Variants in RIT2 observed in about 807,000 individuals in gnomAD.
RIT2 encodes Ras like without CAAX 2.
A neutral mutation model predicts 23.7 loss-of-function variants in RIT2; 24 were observed. The ratio of observed to expected loss-of-function variants is 1.01; its 90% confidence interval spans 0.73 to 1.43. The LOEUF is 1.43. Ranked by LOEUF, RIT2 falls within the 40% of genes most tolerant of loss-of-function variation. The pLI, the probability that RIT2 is intolerant of heterozygous loss-of-function variation, is 0.00. For missense variants in RIT2, 236 were observed against 266.9 expected, an observed-to-expected ratio of 0.88 and a Z score of 0.81; for synonymous variants, 107 against 91.1, an observed-to-expected ratio of 1.17 and a Z score of -0.99.
rs151019005 is a variant in RIT2 at position 42,851,711 on chromosome 18, G to C, written c.426+71861C>G. Among the ~76,000 whole-genome samples, 489 of 152,156 alleles carry C rather than the reference G, an allele frequency of 3.2e-3. 1 individual carries two copies. The highest frequency in any genetic ancestry group is 0.011 in the African/African-American group (453 of 41,502). On this transcript the variant is annotated intron_variant, in intron 4 of 4. Transcript: ENST00000326695. ...CTAAAATACAAAAAATTAGCCAGGC[G>C]TGGTGGCACATGCGTATAGTCCCAG...
At chr18:42,929,977 G>A (rs556199908) in intron 3 of RIT2, among the ~76,000 whole-genome samples, 141 of 152,270 alleles carry the variant, frequency 9.3e-4, no homozygotes, top group African/African-American at 3.2e-3. Context: ...GTTGAGAGGT[G>A]TGGAGTTGTG....
intron 4 of RIT2, among the ~76,000 whole-genome samples, chr18:42,771,127 T>A (rs146893908): frequency 2.6e-5 from 4 of 152,168 alleles, no homozygotes; most frequent in African/African-American, 9.6e-5. Context: ...ACGTAATTTT[T>A]TTTTATTTAA....
At chr18:42,774,921 G>T (rs1913632944) in intron 4 of RIT2, among the ~76,000 whole-genome samples, 1 of 152,098 alleles carries the variant, frequency 6.6e-6, no homozygotes, top group Admixed American at 6.6e-5. Context: ...TGATTGCAGA[G>T]ATTGAGACTT....
chr18:42,967,202 G>A (rs1001000675), intron 3 of RIT2, among the ~76,000 whole-genome samples: 1 of 151,902 alleles, frequency 6.6e-6, no homozygotes, highest in East Asian at 1.9e-4. Flanking sequence ...ACATATAAGA[G>A]GAGACATAGT....
At chr18:42,862,389 C>A (rs1329134735) in intron 4 of RIT2, among the ~76,000 whole-genome samples, 1 of 152,078 alleles carries the variant, frequency 6.6e-6, no homozygotes, top group Non-Finnish European at 1.5e-5. Context: ...CCTTTTTCAT[C>A]ATAAATTACT....
At chr18:43,011,178 A>G (rs890045340) in intron 2 of RIT2, among the ~76,000 whole-genome samples, 27 of 151,830 alleles carry the variant, frequency 1.8e-4, no homozygotes, top group African/African-American at 6.3e-4. Flanking sequence ...AGTGGACAAA[A>G]GCACGAGAAT....
At chr18:42,923,414 A>C in intron 4 of RIT2, 158 bp downstream of exon 4, 1 of 709,758 alleles carries the variant, frequency 1.4e-6, no homozygotes, top group South Asian at 1.8e-5. Context: ...TATGGAGGCC[A>C]ACACAATTTA....
At chr18:43,077,959 C>A (rs1913065175) in intron 1 of RIT2, among the ~76,000 whole-genome samples, 1 of 152,024 alleles carries the variant, frequency 6.6e-6, no homozygotes, top group South Asian at 2.1e-4. Context: ...GTTAATATTG[C>A]CATCATATTC....
chr18:42,863,702 T>G (rs969661713), intron 4 of RIT2, among the ~76,000 whole-genome samples: 3 of 152,188 alleles, frequency 2.0e-5, no homozygotes, highest in African/African-American at 7.2e-5. Context: ...GGAACCTTTC[T>G]CATGTCCTCA....
At chr18:42,961,815 C>T (rs965248041) in intron 3 of RIT2, among the ~76,000 whole-genome samples, 1 of 152,206 alleles carries the variant, frequency 6.6e-6, no homozygotes, top group African/African-American at 2.4e-5. Flanking sequence ...AGTCATCTGG[C>T]ATTCTAACAT....
intron 1 of RIT2, among the ~76,000 whole-genome samples, chr18:43,099,811 C>T (rs923854787): frequency 1.3e-5 from 2 of 152,046 alleles, no homozygotes; most frequent in African/African-American, 4.8e-5. Context: ...TTGGCTTAGG[C>T]CCCAACGCTC....
intron 4 of RIT2, among the ~76,000 whole-genome samples, chr18:42,846,112 A>C (rs190941052): frequency 3.9e-5 from 6 of 152,140 alleles, no homozygotes; most frequent in Non-Finnish European, 7.4e-5. Context: ...ACAGCGATTT[A>C]GTTGTATTAA....
chr18:42,872,945 C>T (rs1201625756), intron 4 of RIT2, among the ~76,000 whole-genome samples: 1 of 152,146 alleles, frequency 6.6e-6, no homozygotes, highest in Admixed American at 6.6e-5. Flanking sequence ...AGATGTATAA[C>T]AATGAGTATC....
At chr18:43,098,577 GT>G (rs992038875) in intron 1 of RIT2, among the ~76,000 whole-genome samples, 1 of 151,890 alleles carries the variant, frequency 6.6e-6, no homozygotes, top group Non-Finnish European at 1.5e-5. Context: ...ACAGAATAGG[GT>G]TTTTTGTAAC....
chr18:42,992,653 C>CTT, intron 2 of RIT2, among the ~76,000 whole-genome samples: 1 of 152,136 alleles, frequency 6.6e-6, no homozygotes, highest in African/African-American at 2.4e-5. Flanking sequence ...AGTTTCATTC[C>CTT]GCAACTAGCT....
intron 1 of RIT2, among the ~76,000 whole-genome samples, chr18:43,107,254 T>C (rs1412711840): frequency 1.3e-5 from 2 of 152,202 alleles, no homozygotes; most frequent in East Asian, 3.9e-4. Context: ...TAGGTCATTT[T>C]ATCTTTCTAA....
rs185293909 is a variant in RIT2 at position 43,082,478 on chromosome 18, A to G, written c.103+32939T>C. 3.5e-3 allele frequency among the ~76,000 whole-genome samples: 531 copies of G among 152,298 alleles called. 3 individuals carry two copies. Among genetic ancestry groups the G allele is most frequent in the African/African-American group, 0.011 (448 of 41,570 alleles). On this transcript the variant is annotated intron_variant, in intron 1 of 4. Coordinates refer to ENST00000326695, the MANE Select transcript of RIT2 (RefSeq NM_002930.4). ...TGATGAACATCGATGTGAAATGCTC[A>G]ATAAAATACTGGCAAACTGAATCCA...
At chr18:42,846,672 AGAAG>A (rs1406319619) in intron 4 of RIT2, among the ~76,000 whole-genome samples, 2 of 152,118 alleles carry the variant, frequency 1.3e-5, no homozygotes, top group African/African-American at 4.8e-5. Context: ...TGTGAACAGA[AGAAG>A]GAAGAAAAAG....
At chr18:42,821,306 A>C (rs1212489427) in intron 4 of RIT2, among the ~76,000 whole-genome samples, 1 of 152,168 alleles carries the variant, frequency 6.6e-6, no homozygotes, top group Non-Finnish European at 1.5e-5. Context: ...GATTTAAAGA[A>C]GGAGTGATGA....
Sources: allele counts gnomAD v4.1 joint callset (sites outside exome capture counted in the v4.1 genomes callset), GRCh38; gene constraint gnomAD v4.1.1; transcripts MANE v1.5; gene names NCBI Gene and HGNC (gene_info 2026-07-23, HGNC 2026-07-21).